RIMS2: variants seen among roughly 807,000 people sequenced by gnomAD.
RIMS2 encodes regulating synaptic membrane exocytosis protein 2.
RIMS2 carries 59 observed loss-of-function variants against 174.4 expected under a neutral mutation model. The observed-to-expected ratio is 0.34, with a 90% confidence interval of 0.27 to 0.42. RIMS2 has a LOEUF of 0.42. Among genes scored for constraint, RIMS2 ranks in the 10% least tolerant of loss-of-function variants. RIMS2 has a pLI of 1.00. For missense variants in RIMS2, 1,620 were observed against 1,666.3 expected, an observed-to-expected ratio of 0.97 and a Z score of 0.48; for synonymous variants, 606 against 572.5, an observed-to-expected ratio of 1.06 and a Z score of -0.84.
At chr8:103,955,083 G>T (rs555767189) in intron 14 of RIMS2, among the ~76,000 whole-genome samples, 46 of 152,206 alleles carry the variant, frequency 3.0e-4, no homozygotes, top group African/African-American at 1.1e-3. Context: ...CCAATAACAA[G>T]TTCTGAAATT....
chr8:103,550,208 A>G (rs975474100), intron 1 of RIMS2, among the ~76,000 whole-genome samples: 2 of 152,236 alleles, frequency 1.3e-5, no homozygotes, highest in Non-Finnish European at 2.9e-5. Flanking sequence ...AGTTGGGAGT[A>G]AAGCACTCCT....
At chr8:104,223,941 C>G (rs2099169478) in intron 19 of RIMS2, 1 of 652,744 alleles carries the variant, frequency 1.5e-6, no homozygotes. Context: ...AGCCCTAGAG[C>G]ACGTCAGCTG....
rs1280936834 is a variant in RIMS2, at chr8:104,201,544, G to C, written c.3335-43372G>C. Among the ~76,000 whole-genome samples, 3 of 152,068 alleles carry C rather than the reference G, an allele frequency of 2.0e-5. No homozygotes were observed. The East Asian group carries it at 5.8e-4, about 29-fold the overall frequency. Reference sequence around the variant, plus strand: ...GGATTGAGACATTTTAGAAATGTAAGATTTTATGTTTCTATTATATTTAAT... The same window carrying C: ...GGATTGAGACATTTTAGAAATGTAACATTTTATGTTTCTATTATATTTAAT... On this transcript the variant is annotated intron_variant, in intron 19 of 23. Transcript: ENST00000504942.
Position 104,044,285 on chromosome 8 carries a change from C to T in RIMS2, c.3334+29670C>T, listed in dbSNP as rs192450913. Among the ~76,000 whole-genome samples, 45 of 151,332 alleles carry T rather than the reference C, an allele frequency of 3.0e-4. No individual in the cohort carries two copies. The South Asian group carries it at 6.3e-3, about 21-fold the overall frequency. On this transcript the variant is annotated intron_variant, in intron 19 of 23. Coordinates refer to ENST00000504942, the Ensembl canonical transcript of RIMS2. ...CAGGATAGTAGGGTTTTGACAGTACCGACTGGAAAATGTTAAGAACGAATG... is the reference window on the plus strand; with the variant it reads ...CAGGATAGTAGGGTTTTGACAGTACTGACTGGAAAATGTTAAGAACGAATG...
At chr8:104,049,142 A>G (rs961834009) in intron 19 of RIMS2, among the ~76,000 whole-genome samples, 65 of 144,084 alleles carry the variant, frequency 4.5e-4, no homozygotes, top group Non-Finnish European at 8.0e-4. Flanking sequence ...AAAAAAAAAA[A>G]GGCCGGGCGG....
chr8:103,757,037 G>GAC (rs1408186609), intron 2 of RIMS2, among the ~76,000 whole-genome samples: 1 of 148,842 alleles, frequency 6.7e-6, no homozygotes, highest in Admixed American at 6.7e-5. Context: ...GAGAGAGAGA[G>GAC]ATACAGAGAG....
intron 15 of RIMS2, 105 bp downstream of exon 17, chr8:103,961,238 C>A (rs924880364): frequency 1.5e-6 from 1 of 671,684 alleles, no homozygotes; most frequent in East Asian, 2.7e-5. Flanking sequence ...CTCGTCTTCT[C>A]ACCCTCCAAA....
At chr8:103,629,244 AAGG>A (rs1274571115) in intron 1 of RIMS2, among the ~76,000 whole-genome samples, 1 of 152,218 alleles carries the variant, frequency 6.6e-6, no homozygotes, top group African/African-American at 2.4e-5. Flanking sequence ...TAGAGAGCTG[AAGG>A]AGGATTACTG....
At chr8:104,058,644 A>G (rs963158980) in intron 19 of RIMS2, among the ~76,000 whole-genome samples, 1 of 151,778 alleles carries the variant, frequency 6.6e-6, no homozygotes, top group African/African-American at 2.4e-5. Context: ...GTCCTTGCCC[A>G]TGCCTGTGTC....
intron 4 of RIMS2, among the ~76,000 whole-genome samples, chr8:103,891,946 A>C (rs1020458852): frequency 6.6e-6 from 1 of 152,050 alleles, no homozygotes; most frequent in Non-Finnish European, 1.5e-5. Context: ...CTGAGTTTAG[A>C]TGTTGTAAGT....
At chr8:104,039,699 A>G (rs970752821) in intron 19 of RIMS2, among the ~76,000 whole-genome samples, 3 of 151,762 alleles carry the variant, frequency 2.0e-5, no homozygotes, top group Admixed American at 6.6e-5. Context: ...TAAAAACACA[A>G]TGCAACATAC....
At chr8:103,660,981 A>G (rs896177593) in intron 1 of RIMS2, among the ~76,000 whole-genome samples, 2 of 152,238 alleles carry the variant, frequency 1.3e-5, no homozygotes, top group African/African-American at 4.8e-5. Context: ...ATTAACAGCC[A>G]TGCAGGATTT....
chr8:104,023,203 CAT>C (rs1462279384), intron 19 of RIMS2, among the ~76,000 whole-genome samples: 1 of 151,674 alleles, frequency 6.6e-6, no homozygotes, highest in African/African-American at 2.4e-5. Flanking sequence ...AGGGGTGACT[CAT>C]ATATGAACTT....
intron 3 of RIMS2, among the ~76,000 whole-genome samples, chr8:103,861,123 C>T (rs949583970): frequency 2.3e-4 from 34 of 145,284 alleles, no homozygotes; most frequent in African/African-American, 7.6e-4. Flanking sequence ...AGGCCTCACC[C>T]CCCTCCTAAG....
At chr8:103,532,042 T>C (rs191369861) in intron 1 of RIMS2, among the ~76,000 whole-genome samples, 36 of 152,352 alleles carry the variant, frequency 2.4e-4, no homozygotes, top group Non-Finnish European at 3.8e-4. Context: ...TGTGTACTTC[T>C]AGTGTTAACT....
At chr8:104,252,884 G>C (rs753843458), downstream of RIMS2, 1 of 151,984 alleles carries the variant, frequency 6.6e-6, no homozygotes, top group Non-Finnish European at 1.5e-5. Flanking sequence ...CTCCCTGCCA[G>C]AGTGAACCTT....
At chr8:103,833,218 T>C (rs981240255) in intron 3 of RIMS2, among the ~76,000 whole-genome samples, 1 of 152,206 alleles carries the variant, frequency 6.6e-6, no homozygotes, top group Non-Finnish European at 1.5e-5. Flanking sequence ...AGTAAATGGT[T>C]CGTGATGACA....
At chr8:104,145,918 A>C (rs1321428015) in intron 19 of RIMS2, among the ~76,000 whole-genome samples, 1 of 151,800 alleles carries the variant, frequency 6.6e-6, no homozygotes, top group Non-Finnish European at 1.5e-5. Context: ...TTATCGTTTT[A>C]GATGATATCC....
At chr8:103,581,257 C>T (rs1024238149) in intron 1 of RIMS2, among the ~76,000 whole-genome samples, 1 of 152,286 alleles carries the variant, frequency 6.6e-6, no homozygotes, top group African/African-American at 2.4e-5. Context: ...CCAAATTCAA[C>T]AACACATTAA....
Sources: gnomAD v4.1 joint callset for allele counts (sites outside exome capture counted in the v4.1 genomes callset) on GRCh38, gnomAD v4.1.1 for gene constraint, MANE v1.5 for transcripts, NCBI Gene and HGNC (gene_info 2026-07-23, HGNC 2026-07-21) for gene names.